NRXN1: variants seen among roughly 807,000 people sequenced by gnomAD.
The protein encoded by NRXN1 is neurexin 1.
A neutral mutation model predicts 150.9 loss-of-function variants in NRXN1; 39 were observed. That is an observed-to-expected ratio of 0.26 (90% CI 0.20 to 0.34). NRXN1 has a LOEUF of 0.34. Among genes scored for constraint, NRXN1 ranks in the 10% least tolerant of loss-of-function variants. The pLI is 1.00. For synonymous variants in NRXN1, 924 were observed against 757.0 expected (o/e 1.22, Z -3.62); for missense variants, 1,815 against 1,949.9 (o/e 0.93, Z 1.30).
At chr2:49,969,914 G>C (rs1369934449) in intron 21 of NRXN1, 1 of 152,044 alleles carries the variant, frequency 6.6e-6, no homozygotes, top group Non-Finnish European at 1.5e-5. Flanking sequence ...ATCTGAAATA[G>C]GCTTAGAGCC....
intron 5 of NRXN1, among the ~76,000 whole-genome samples, chr2:50,904,467 AGTAGG>A (rs1683382535): frequency 6.6e-6 from 1 of 152,124 alleles, no homozygotes; most frequent in African/African-American, 2.4e-5. Context: ...TTCTCTTCTA[AGTAGG>A]GAATGGGACC....
At chr2:50,311,048 T>C (rs1406114551) in intron 17 of NRXN1, among the ~76,000 whole-genome samples, 1 of 152,176 alleles carries the variant, frequency 6.6e-6, no homozygotes, top group Admixed American at 6.5e-5. Flanking sequence ...TAGATAAGTA[T>C]GTACATATAC....
chr2:50,617,663 A>G (rs1468169167), intron 8 of NRXN1, among the ~76,000 whole-genome samples: 2 of 152,212 alleles, frequency 1.3e-5, no homozygotes, highest in Non-Finnish European at 2.9e-5. Context: ...CTATAGTGAC[A>G]ACAGCACAAG....
At chr2:50,720,298 A>G (rs1318162499) in intron 5 of NRXN1, among the ~76,000 whole-genome samples, 1 of 152,148 alleles carries the variant, frequency 6.6e-6, no homozygotes, top group African/African-American at 2.4e-5. Flanking sequence ...ATATAAAACC[A>G]GTTACAACAT....
intron 18 of NRXN1, among the ~76,000 whole-genome samples, chr2:50,219,940 ATAT>A (rs1251456919): frequency 9.8e-5 from 6 of 61,438 alleles, no homozygotes; most frequent in African/African-American, 5.3e-4. Flanking sequence ...TATATATTAT[ATAT>A]TATATATATA....
At chr2:50,483,044 C>G (rs368018521) in intron 15 of NRXN1, among the ~76,000 whole-genome samples, 3 of 88,740 alleles carry the variant, frequency 3.4e-5, no homozygotes, top group African/African-American at 1.4e-4. Context: ...GGGAGAGACT[C>G]CGTGTCAAAA....
intron 18 of NRXN1, among the ~76,000 whole-genome samples, chr2:50,178,800 A>G (rs905227690): frequency 1.5e-4 from 23 of 152,254 alleles, no homozygotes; most frequent in African/African-American, 5.1e-4. Context: ...AGGTTTGCCA[A>G]TGAAAAGAGC....
intron 17 of NRXN1, among the ~76,000 whole-genome samples, chr2:50,243,947 A>G (rs577210775): frequency 1.3e-5 from 2 of 152,036 alleles, no homozygotes; most frequent in South Asian, 2.1e-4. Context: ...TGTGATTCCA[A>G]TGAGGTCAAG....
intron 5 of NRXN1, among the ~76,000 whole-genome samples, chr2:50,775,416 T>C (rs1703489217): frequency 6.6e-6 from 1 of 152,168 alleles, no homozygotes; most frequent in Admixed American, 6.5e-5. Flanking sequence ...CTGATGAATT[T>C]AGATTCTATT....
At chr2:50,751,175 A>C (rs946425450) in intron 5 of NRXN1, among the ~76,000 whole-genome samples, 2 of 151,964 alleles carry the variant, frequency 1.3e-5, no homozygotes, top group Non-Finnish European at 2.9e-5. Flanking sequence ...CTTTGGATTT[A>C]ACACTTTCTG....
At chr2:50,494,146 T>C (rs2091425482) in intron 15 of NRXN1, among the ~76,000 whole-genome samples, 1 of 152,214 alleles carries the variant, frequency 6.6e-6, no homozygotes. Context: ...TCTGAAGAAA[T>C]ACAATCCATT....
chr2:50,964,900 A>C (rs2104727633), intron 2 of NRXN1, among the ~76,000 whole-genome samples: 1 of 151,620 alleles, frequency 6.6e-6, no homozygotes, highest in Non-Finnish European at 1.5e-5. Context: ...GAAATATGAA[A>C]GTAGGCAACA....
chr2:50,827,618 T>C (rs927621059), intron 5 of NRXN1, among the ~76,000 whole-genome samples: 2 of 152,224 alleles, frequency 1.3e-5, no homozygotes, highest in East Asian at 1.9e-4. Flanking sequence ...ATTTATTTAG[T>C]TTTTTAATTG....
Position 50,081,961 on chromosome 2 carries a change from T to A in NRXN1, c.3718+9362A>T, listed in dbSNP as rs1573800335. Among the ~76,000 whole-genome samples the A allele has an allele frequency of 4.6e-5, 7 of 152,246 alleles. No individual in the cohort carries two copies. In the South Asian group the frequency reaches 1.4e-3, roughly 32 times the overall value. On this transcript the variant is annotated intron_variant, in intron 19 of 22. Transcript: ENST00000401669. The stretch of plus-strand genomic sequence containing the variant: ...AGATACTTTTAGGTAATAGTCAAAT[T>A]ATAAAAGCGACTGTTATAAAATATA...
chr2:50,228,814 GC>G (rs200927378), intron 18 of NRXN1, among the ~76,000 whole-genome samples: 2,204 of 152,074 alleles, frequency 0.014, 27 homozygotes, highest in Non-Finnish European at 0.024. Context: ...TTACTTAGAA[GC>G]CTAGTTGCAG....
chr2:50,073,064 G>A (rs539073114), intron 19 of NRXN1, among the ~76,000 whole-genome samples: 1 of 152,250 alleles, frequency 6.6e-6, no homozygotes, highest in Non-Finnish European at 1.5e-5. Flanking sequence ...TGTTCCTGGA[G>A]CCTATACCCT....
At chr2:50,071,814 A>C (rs1696334014) in intron 19 of NRXN1, among the ~76,000 whole-genome samples, 1 of 152,226 alleles carries the variant, frequency 6.6e-6, no homozygotes, top group Non-Finnish European at 1.5e-5. Flanking sequence ...AAAATAGTCT[A>C]AAAGCGAGTA....
At chr2:50,582,986 TTC>T (rs1672530076) in intron 8 of NRXN1, among the ~76,000 whole-genome samples, 2 of 152,020 alleles carry the variant, frequency 1.3e-5, no homozygotes, top group Non-Finnish European at 2.9e-5. Flanking sequence ...CCTCTCTTTC[TTC>T]TCTCTTTTCT....
At chr2:50,643,970 A>G (rs1684433199) in intron 5 of NRXN1, among the ~76,000 whole-genome samples, 1 of 151,892 alleles carries the variant, frequency 6.6e-6, no homozygotes, top group African/African-American at 2.4e-5. Flanking sequence ...TATAATTTAA[A>G]GTTTGAATCA....
Sources: allele counts gnomAD v4.1 joint callset (sites outside exome capture counted in the v4.1 genomes callset), GRCh38; gene constraint gnomAD v4.1.1; transcripts MANE v1.5; gene names NCBI Gene and HGNC (gene_info 2026-07-23, HGNC 2026-07-21).